The following IKZF3 variants were observed in gnomAD, a reference collection of about 807,000 sequenced individuals.
IKZF3 encodes the protein IKAROS family zinc finger 3.
In IKZF3, 10 loss-of-function variants were observed where a neutral mutation model predicts 49.0. The ratio of observed to expected loss-of-function variants is 0.20; its 90% CI spans 0.13 to 0.35. IKZF3 has a LOEUF of 0.35. Ranked by LOEUF, IKZF3 falls within the 10% of genes least tolerant of loss-of-function variation. IKZF3 has a pLI of 1.00. For synonymous variants in IKZF3, 209 were observed against 228.2 expected (o/e 0.92, Z 0.76); for missense variants, 498 against 664.8 (o/e 0.75, Z 2.76).
rs899364487 is a variant in IKZF3, at chr17:39,798,998, T to C, written c.164-6065A>G. On this transcript the variant is annotated intron_variant, in intron 3 of 7. Transcript: ENST00000346872. Reference sequence around the variant, plus strand: ...TATACAGATTGTGTGTGTGTGTGCGTGTGTGTGTGTGTGTGTGTGTGTTTA... The same window carrying C: ...TATACAGATTGTGTGTGTGTGTGCGCGTGTGTGTGTGTGTGTGTGTGTTTA... 2.9e-5 allele frequency among the ~76,000 whole-genome samples: 4 copies of C among 138,378 alleles called. No individual in the cohort carries two copies. In the South Asian group the frequency reaches 9.2e-4, roughly 32 times the overall value. 90.8% of individuals were successfully genotyped at this position (138,378 alleles called of 152,430 possible).
chr17:39,813,087 G>T (rs1270403181), intron 3 of IKZF3, among the ~76,000 whole-genome samples: 6 of 148,730 alleles, frequency 4.0e-5, no homozygotes, highest in Non-Finnish European at 8.9e-5. Context: ...GGGCGACAGG[G>T]CAAGACTCCA....
Position 39,788,274 on chromosome 17 carries a change from A to G in IKZF3, c.693T>C (p.Thr231=). ...TGAACTCACCAGTGTCCCCTGGGTC[A>G]GTGCTCTGAAGAAATGTACGGCAGC... ...KERCRTFLQS[T]DPGDTASAEA... The change falls in exon 6 of 8, where the codon ACT becomes ACC. Residue 231 remains threonine (T), a synonymous_variant. Coordinates refer to ENST00000346872, the MANE Select transcript of IKZF3 (RefSeq NM_012481.5). 1 of 1,612,060 alleles carries G rather than the reference A, an allele frequency of 6.2e-7. No homozygotes were observed.
At chr17:39,849,600 C>T (rs1012863122) in intron 1 of IKZF3, among the ~76,000 whole-genome samples, 6 of 152,028 alleles carry the variant, frequency 3.9e-5, no homozygotes, top group Middle Eastern at 3.4e-3. Flanking sequence ...TGCAGTAAGC[C>T]GAGATTGCAC....
intron 3 of IKZF3, among the ~76,000 whole-genome samples, chr17:39,814,425 T>C (rs1342692319): frequency 6.6e-6 from 1 of 152,192 alleles, no homozygotes; most frequent in African/African-American, 2.4e-5. Context: ...CTATTTGATA[T>C]TTAGTTACAG....
At chr17:39,769,216 G>A (rs554013666) in intron 7 of IKZF3, among the ~76,000 whole-genome samples, 2 of 152,312 alleles carry the variant, frequency 1.3e-5, no homozygotes, top group South Asian at 4.1e-4. Context: ...GTGTGAATCC[G>A]AACCAAGAGC....
chr17:39,808,507 T>C (rs940087334), intron 3 of IKZF3, among the ~76,000 whole-genome samples: 1 of 152,232 alleles, frequency 6.6e-6, no homozygotes, highest in Non-Finnish European at 1.5e-5. Context: ...TTCTTTGTTA[T>C]ATTTTGTGCT....
At chr17:39,779,501 T>C (rs540945976) in intron 6 of IKZF3, among the ~76,000 whole-genome samples, 160 of 152,256 alleles carry the variant, frequency 1.1e-3, no homozygotes, top group Non-Finnish European at 9.1e-4. Flanking sequence ...TTCAAAGAGA[T>C]ACCAGCTTCT....
chr17:39,800,865 C>T (rs771619506), intron 3 of IKZF3, among the ~76,000 whole-genome samples: 3 of 152,184 alleles, frequency 2.0e-5, no homozygotes, highest in Non-Finnish European at 4.4e-5. Context: ...GGGGCAATAG[C>T]AGTCTCAGCC....
intron 3 of IKZF3, among the ~76,000 whole-genome samples, chr17:39,802,032 A>G (rs1344014738): frequency 1.3e-5 from 2 of 151,606 alleles, no homozygotes; most frequent in African/African-American, 4.8e-5. Context: ...CAAGACCATC[A>G]AGACATGGTG....
chr17:39,809,983 G>A (rs1568006701), intron 3 of IKZF3, among the ~76,000 whole-genome samples: 1 of 152,158 alleles, frequency 6.6e-6, no homozygotes, highest in Non-Finnish European at 1.5e-5. Flanking sequence ...ACATGCTTTG[G>A]TCAGATCTTT....
intron 7 of IKZF3, among the ~76,000 whole-genome samples, chr17:39,775,695 C>T (rs1471602397): frequency 6.6e-6 from 1 of 152,086 alleles, no homozygotes; most frequent in African/African-American, 2.4e-5. Flanking sequence ...GAGGCCAAGG[C>T]GGGTGGATCA....
intron 3 of IKZF3, among the ~76,000 whole-genome samples, chr17:39,806,394 T>G (rs945656115): frequency 6.6e-6 from 1 of 152,204 alleles, no homozygotes. Flanking sequence ...TTAGCTTTTC[T>G]AAGGTAATAA....
chr17:39,843,922 C>T (rs1298698095), intron 1 of IKZF3, among the ~76,000 whole-genome samples: 1 of 152,098 alleles, frequency 6.6e-6, no homozygotes, highest in Non-Finnish European at 1.5e-5. Context: ...GTATTTCCCC[C>T]CTAAACTTCA....
intron 2 of IKZF3, 111 bp downstream of exon 2, chr17:39,831,987 A>G: frequency 1.3e-6 from 1 of 744,670 alleles, no homozygotes; most frequent in Non-Finnish European, 2.3e-6. Context: ...AAAAAAAAAC[A>G]CACACACATT....
intron 1 of IKZF3, among the ~76,000 whole-genome samples, chr17:39,832,450 ATATTT>A (rs1425523493): frequency 6.6e-6 from 1 of 151,894 alleles, no homozygotes; most frequent in Admixed American, 6.6e-5. Flanking sequence ...TTCTTCCCCA[ATATTT>A]TATTATGAAC....
intron 3 of IKZF3, among the ~76,000 whole-genome samples, chr17:39,793,975 A>ATATATAAAATATGC (rs1463173317): frequency 6.6e-6 from 1 of 152,248 alleles, no homozygotes; most frequent in Non-Finnish European, 1.5e-5. Context: ...GGGATTTTGC[A>ATATATAAAATATGC]TATATAAAAT....
intron 5 of IKZF3, among the ~76,000 whole-genome samples, chr17:39,789,134 T>C (rs1036817450): frequency 6.6e-6 from 1 of 151,974 alleles, no homozygotes; most frequent in Non-Finnish European, 1.5e-5. Context: ...TTTTGAATAA[T>C]AGAAATAAAA....
chr17:39,791,757 T>C (rs185141797), intron 4 of IKZF3, among the ~76,000 whole-genome samples, 174 bp from the exon 5 acceptor site: 227 of 152,260 alleles, frequency 1.5e-3, no homozygotes, highest in Non-Finnish European at 2.7e-3. Context: ...ATCTCCTCTG[T>C]AGAAGAGAAA....
chr17:39,863,023 T>C (rs999992817), intron 1 of IKZF3, among the ~76,000 whole-genome samples: 2 of 152,260 alleles, frequency 1.3e-5, no homozygotes, highest in Admixed American at 6.5e-5. Flanking sequence ...AACAAATTAA[T>C]CATTTGTAAT....
Sources: allele counts gnomAD v4.1 joint callset (sites outside exome capture counted in the v4.1 genomes callset), GRCh38; gene constraint gnomAD v4.1.1; transcripts MANE v1.5; gene names NCBI Gene and HGNC (gene_info 2026-07-23, HGNC 2026-07-21).